GTF2A1L: variants seen among roughly 807,000 people sequenced by gnomAD.
The protein encoded by GTF2A1L is TFIIA-alpha and beta-like factor.
Under a neutral mutation model 49.7 loss-of-function variants are expected in GTF2A1L, and 48 were observed. The observed-to-expected ratio is 0.97, with a 90% CI of 0.77 to 1.23. The LOEUF is 1.23. GTF2A1L is among the 50% of genes most tolerant of loss of function. The pLI is 0.00. For synonymous variants in GTF2A1L, 246 were observed against 193.5 expected (o/e 1.27, Z -2.25); for missense variants, 736 against 564.8 (o/e 1.30, Z -3.07).
In GTF2A1L at chr2:48,624,475, G is replaced by C. The variant is rs1389479285; in HGVS notation, c.247+3185G>C. ...GTGCTTTGATATAGATAGATAGATA[G>C]ATAGATAGATAGTGAAGAGGTTGGT... On this transcript the variant is annotated intron_variant, in intron 3 of 8. Transcript: ENST00000403751. 2.1e-5 allele frequency among the ~76,000 whole-genome samples: 3 copies of C among 143,736 alleles called. 1 individual carries two copies. Among genetic ancestry groups the C allele is most frequent in the Non-Finnish European group, 4.7e-5 (3 of 63,816 alleles). The allele number at this position is 143,736 out of a possible 152,430, so 94.3% of individuals were successfully genotyped here.
chr2:48,649,534 T>A (rs566260973), intron 6 of GTF2A1L, among the ~76,000 whole-genome samples: 54 of 152,352 alleles, frequency 3.5e-4, no homozygotes, highest in African/African-American at 1.2e-3. Context: ...ATTGTATGAC[T>A]TAGAGAAGTT....
intron 3 of GTF2A1L, among the ~76,000 whole-genome samples, chr2:48,625,404 G>T (rs547279281): frequency 7.0e-6 from 1 of 143,666 alleles, no homozygotes; most frequent in Non-Finnish European, 1.6e-5. Context: ...TTTTGAAAAG[G>T]TTATTTGTTT....
chr2:48,642,148 C>G (rs1309895561), intron 3 of GTF2A1L, among the ~76,000 whole-genome samples: 1 of 151,948 alleles, frequency 6.6e-6, no homozygotes, highest in Non-Finnish European at 1.5e-5. Context: ...TATGGATTTC[C>G]AAAGTACAGT....
Position 48,631,375 on chromosome 2 carries a change from T to G in GTF2A1L, c.247+10085T>G, listed in dbSNP as rs143945941. The stretch of plus-strand genomic sequence containing the variant: ...TGGGAGATTTTATGTTTCTAGGAAT[T>G]TATCCATTTCCTCTAGATTTTCTAG... On this transcript the variant is annotated intron_variant, in intron 3 of 8. Transcript: ENST00000403751. 3.3e-3 allele frequency among the ~76,000 whole-genome samples: 499 copies of G among 152,338 alleles called. 2 individuals are homozygous for G. The highest frequency in any genetic ancestry group is 5.1e-3 in the Non-Finnish European group (349 of 68,034).
intron 3 of GTF2A1L, among the ~76,000 whole-genome samples, chr2:48,638,124 G>A (rs142826664): frequency 3.8e-4 from 58 of 152,238 alleles, no homozygotes; most frequent in African/African-American, 1.3e-3. Context: ...GGACCTGATG[G>A]ATAAACAGCT....
At chr2:48,644,837 G>T (rs1369275136) in intron 4 of GTF2A1L, among the ~76,000 whole-genome samples, 196 bp from the exon 5 acceptor site, 1 of 152,120 alleles carries the variant, frequency 6.6e-6, no homozygotes, top group Non-Finnish European at 1.5e-5. Context: ...CTGTAGAATA[G>T]GATTCCTCTT....
intron 4 of GTF2A1L, among the ~76,000 whole-genome samples, chr2:48,643,768 C>T (rs931046411): frequency 2.1e-5 from 3 of 144,932 alleles, no homozygotes; most frequent in Admixed American, 1.5e-4. Context: ...GGCATGATCT[C>T]GGCTCACTGC....
intron 8 of GTF2A1L, among the ~76,000 whole-genome samples, chr2:48,673,243 A>T (rs1306110563): frequency 6.6e-6 from 1 of 152,194 alleles, no homozygotes; most frequent in Non-Finnish European, 1.5e-5. Flanking sequence ...AGAAAAAAGT[A>T]ATACCTTTTC....
chr2:48,675,305 A>G (rs1398629544), intron 8 of GTF2A1L, among the ~76,000 whole-genome samples: 2 of 152,148 alleles, frequency 1.3e-5, no homozygotes, highest in African/African-American at 4.8e-5. Context: ...AGAGTACTGG[A>G]TAAGAATGTA....
chr2:48,622,498 T>C (rs1247916022), intron 3 of GTF2A1L, among the ~76,000 whole-genome samples: 1 of 151,304 alleles, frequency 6.6e-6, no homozygotes, highest in East Asian at 1.9e-4. Flanking sequence ...TACAGAATGC[T>C]AAAGATGTTT....
chr2:48,655,625 G>A (rs1308316758), intron 6 of GTF2A1L, among the ~76,000 whole-genome samples: 2 of 152,126 alleles, frequency 1.3e-5, no homozygotes, highest in Non-Finnish European at 2.9e-5. Flanking sequence ...TTGCCACATA[G>A]TATAGTATAT....
intron 3 of GTF2A1L, among the ~76,000 whole-genome samples, chr2:48,636,889 T>G (rs1324144024): frequency 6.6e-6 from 1 of 152,162 alleles, no homozygotes; most frequent in African/African-American, 2.4e-5. Context: ...AGCTTCTGTA[T>G]TTGGTCTTCA....
intron 6 of GTF2A1L, among the ~76,000 whole-genome samples, chr2:48,661,918 G>T (rs531114024): frequency 2.0e-5 from 3 of 152,144 alleles, no homozygotes; most frequent in Non-Finnish European, 4.4e-5. Context: ...TGATCGGAAA[G>T]AACTAACTCT....
chr2:48,634,777 AG>A (rs1426909698), intron 3 of GTF2A1L, among the ~76,000 whole-genome samples: 1 of 152,182 alleles, frequency 6.6e-6, no homozygotes, highest in Non-Finnish European at 1.5e-5. Context: ...TTTAGCCTAA[AG>A]GGTTTCCTTT....
chr2:48,621,234 C>T lies in GTF2A1L; in HGVS notation c.191C>T (p.Pro64Leu), dbSNP rs1423041590. ...TTCTTCAGAAATAGCATCCAATCAC[C>T]TCTGTTTACTCTTCAGTTGCCGCAC... ...EDFFRNSIQSPLFTLQLPHSL... is the reference protein window; with the variant it reads ...EDFFRNSIQSLLFTLQLPHSL... The change falls in exon 3 of 9, where the codon CCT becomes CTT. Residue 64 changes from proline (P) to leucine (L), a missense_variant. Transcript: ENST00000403751. 3 of 1,614,114 alleles carry T rather than the reference C, an allele frequency of 1.9e-6. No individual in the cohort carries two copies.
intron 6 of GTF2A1L, among the ~76,000 whole-genome samples, chr2:48,667,082 C>T (rs1678887736): frequency 1.3e-5 from 2 of 151,546 alleles, no homozygotes; most frequent in Admixed American, 1.3e-4. Flanking sequence ...TTCCTGCCTC[C>T]ACCTCTTCAG....
At chr2:48,645,164 T>C (rs762993028) in intron 5 of GTF2A1L, 47 bp downstream of exon 5, 31 of 1,531,504 alleles carry the variant, frequency 2.0e-5, no homozygotes, top group Middle Eastern at 1.7e-4. Flanking sequence ...ATTGGTACTA[T>C]TTTTTGGACA....
At chr2:48,654,889 A>G (rs1282266405) in intron 6 of GTF2A1L, among the ~76,000 whole-genome samples, 1 of 152,204 alleles carries the variant, frequency 6.6e-6, no homozygotes, top group East Asian at 1.9e-4. Context: ...TGCTAGGACC[A>G]CACTGTCTTG....
At chr2:48,654,025 G>A (rs1678025955) in intron 6 of GTF2A1L, among the ~76,000 whole-genome samples, 2 of 151,048 alleles carry the variant, frequency 1.3e-5, no homozygotes, top group Admixed American at 6.6e-5. Context: ...GATGATAAAC[G>A]TATGCTTATG....
Sources: gnomAD v4.1 joint callset for allele counts (sites outside exome capture counted in the v4.1 genomes callset) on GRCh38, gnomAD v4.1.1 for gene constraint, MANE v1.5 for transcripts, NCBI Gene and HGNC (gene_info 2026-07-23, HGNC 2026-07-21) for gene names.